Variants in SPATS2 observed in about 807,000 individuals in gnomAD.
The protein encoded by SPATS2 is spermatogenesis associated serine rich 2.
In SPATS2, 38 loss-of-function variants were observed where a neutral mutation model predicts 63.7. The observed-to-expected ratio is 0.60, with a 90% CI of 0.46 to 0.78. The LOEUF is 0.78. Among genes scored for constraint, SPATS2 ranks in the 30% least tolerant of loss-of-function variants. The pLI is 0.00. For synonymous variants in SPATS2, 207 were observed against 232.9 expected (o/e 0.89, Z 1.01); for missense variants, 588 against 666.2 (o/e 0.88, Z 1.29).
At chr12:49,407,098 C>T (rs1007560373) in intron 2 of SPATS2, among the ~76,000 whole-genome samples, 1 of 152,138 alleles carries the variant, frequency 6.6e-6, no homozygotes, top group African/African-American at 2.4e-5. Flanking sequence ...TCCTTGATGC[C>T]TCTCTCTACA....
At chr12:49,387,472 A>G (rs988465048) in intron 2 of SPATS2, among the ~76,000 whole-genome samples, 9 of 151,864 alleles carry the variant, frequency 5.9e-5, no homozygotes, top group Admixed American at 5.9e-4. Context: ...ACCCATCTCT[A>G]CTAAAAATAC....
At chr12:49,418,104 C>G (rs887485794) in intron 2 of SPATS2, among the ~76,000 whole-genome samples, 1 of 130,634 alleles carries the variant, frequency 7.7e-6, no homozygotes, top group African/African-American at 3.2e-5. Flanking sequence ...TTTTAAATGA[C>G]TCAGTTTTTT....
chr12:49,405,197 C>G (rs1157546677), intron 2 of SPATS2, among the ~76,000 whole-genome samples: 1 of 152,132 alleles, frequency 6.6e-6, no homozygotes, highest in Non-Finnish European at 1.5e-5. Flanking sequence ...TTTCTATGTG[C>G]AGTCTACCCT....
chr12:49,513,207 A>AAG (rs1219331420), intron 9 of SPATS2, among the ~76,000 whole-genome samples: 33 of 144,292 alleles, frequency 2.3e-4, no homozygotes, highest in African/African-American at 8.8e-4. Context: ...GCGAGAGAGA[A>AAG]AGAGTGTGTG....
intron 2 of SPATS2, among the ~76,000 whole-genome samples, chr12:49,399,084 T>A (rs1025322363): frequency 6.6e-6 from 1 of 152,194 alleles, no homozygotes; most frequent in African/African-American, 2.4e-5. Context: ...TTCTGACCCC[T>A]GCATTTCCCC....
intron 6 of SPATS2, among the ~76,000 whole-genome samples, chr12:49,492,082 A>T (rs1228813474): frequency 6.6e-6 from 1 of 152,212 alleles, no homozygotes; most frequent in Non-Finnish European, 1.5e-5. Flanking sequence ...GGGTTACCTA[A>T]TACTACACAG....
intron 9 of SPATS2, among the ~76,000 whole-genome samples, chr12:49,503,506 G>A (rs1420234063): frequency 1.3e-5 from 2 of 151,584 alleles, no homozygotes; most frequent in South Asian, 2.1e-4. Flanking sequence ...AAAGTTAGCC[G>A]GGCGTGGTGG....
chr12:49,418,543 G>T (rs187402219), intron 2 of SPATS2, among the ~76,000 whole-genome samples: 1 of 151,880 alleles, frequency 6.6e-6, no homozygotes, highest in South Asian at 2.1e-4. Flanking sequence ...CAGGTTATCC[G>T]CCTCCCTCAG....
chr12:49,492,306 G>A (rs549898663), intron 6 of SPATS2, among the ~76,000 whole-genome samples: 1 of 150,872 alleles, frequency 6.6e-6, no homozygotes, highest in South Asian at 2.1e-4. Flanking sequence ...TGCAGCCTCC[G>A]CCTCCTGGGT....
chr12:49,445,425 C>T (rs1466634795), intron 2 of SPATS2, among the ~76,000 whole-genome samples: 5 of 152,066 alleles, frequency 3.3e-5, no homozygotes, highest in African/African-American at 1.2e-4. Flanking sequence ...TCTTCCATTC[C>T]TGGAATAAGT....
At chr12:49,437,287 C>T (rs1592395231) in intron 2 of SPATS2, among the ~76,000 whole-genome samples, 3 of 151,126 alleles carry the variant, frequency 2.0e-5, no homozygotes, top group African/African-American at 7.3e-5. Context: ...CTGGCAGAGA[C>T]GCTCCTCACT....
At chr12:49,525,398 G>T (rs1290176170) in intron 13 of SPATS2, among the ~76,000 whole-genome samples, 4 of 152,200 alleles carry the variant, frequency 2.6e-5, no homozygotes, top group Non-Finnish European at 5.9e-5. Context: ...AGTACTGTCA[G>T]TAATTCTTCA....
At chr12:49,445,682 T>C (rs1002712818) in intron 2 of SPATS2, among the ~76,000 whole-genome samples, 3 of 151,848 alleles carry the variant, frequency 2.0e-5, no homozygotes. Context: ...CACACCTGGC[T>C]AATTTTTAAA....
intron 2 of SPATS2, among the ~76,000 whole-genome samples, chr12:49,421,819 C>A (rs141609726): frequency 6.6e-6 from 1 of 152,146 alleles, no homozygotes; most frequent in Non-Finnish European, 1.5e-5. Context: ...GGACTATGTA[C>A]GCTACCTAAA....
intron 2 of SPATS2, among the ~76,000 whole-genome samples, chr12:49,379,123 T>A (rs1410267257): frequency 6.6e-6 from 1 of 150,738 alleles, no homozygotes; most frequent in Non-Finnish European, 1.5e-5. Context: ...GGTTTCTCCA[T>A]GTTGGTCAGG....
chr12:49,367,647 G>A (rs993280643), intron 1 of SPATS2, 60 bp downstream of exon 1: 3 of 392,960 alleles, frequency 7.6e-6, no homozygotes, highest in African/African-American at 4.2e-5. Flanking sequence ...CCGAGGTGCG[G>A]GGAGCGGGTT....
intron 2 of SPATS2, among the ~76,000 whole-genome samples, chr12:49,394,863 G>A (rs1944481867): frequency 6.6e-6 from 1 of 152,030 alleles, no homozygotes; most frequent in Admixed American, 6.6e-5. Context: ...CCTGAGGTCA[G>A]GAGTTCGAAA....
At chr12:49,424,763 G>GC (rs1945042764) in intron 2 of SPATS2, among the ~76,000 whole-genome samples, 1 of 151,930 alleles carries the variant, frequency 6.6e-6, no homozygotes, top group Admixed American at 6.6e-5. Flanking sequence ...TGCAACCTCC[G>GC]CCCCCCACCA....
Position 49,444,802 on chromosome 12 carries a change from C to T in SPATS2, c.-243-15968C>T, listed in dbSNP as rs193241515. On this transcript the variant is annotated intron_variant, in intron 2 of 13. Coordinates refer to ENST00000552918, the MANE Select transcript of SPATS2 (RefSeq NM_023071.4). ...TATTTTTAGTAGAGATGGGGTTTCA[C>T]CATGTTGGCCAGGCCAGTCTTGAAC... 9.0e-4 allele frequency among the ~76,000 whole-genome samples: 137 copies of T among 152,130 alleles called. 1 individual carries two copies. Among genetic ancestry groups the T allele is most frequent in the African/African-American group, 3.0e-3 (125 of 41,508 alleles).
Sources: gnomAD v4.1 joint callset for allele counts (sites outside exome capture counted in the v4.1 genomes callset) on GRCh38, gnomAD v4.1.1 for gene constraint, MANE v1.5 for transcripts, NCBI Gene and HGNC (gene_info 2026-07-23, HGNC 2026-07-21) for gene names.